Variants in CNBD1 observed in about 807,000 individuals in gnomAD.
CNBD1 encodes the protein cyclic nucleotide-binding domain-containing protein 1.
A neutral mutation model predicts 54.4 loss-of-function variants in CNBD1; 71 were observed. That is an observed-to-expected ratio of 1.30 (90% confidence interval 1.08 to 1.59). CNBD1 has a LOEUF of 1.59. Among genes scored for constraint, CNBD1 ranks in the 40% most tolerant of loss-of-function variants. The pLI, the probability that CNBD1 is intolerant of heterozygous loss-of-function variation, is 0.00. For missense variants in CNBD1, 659 were observed against 518.0 expected (o/e 1.27, Z -2.64); for synonymous variants, 182 against 170.7 (o/e 1.07, Z -0.51).
At chr8:86,909,397 G>C (rs1809066852) in intron 3 of CNBD1, among the ~76,000 whole-genome samples, 1 of 152,026 alleles carries the variant, frequency 6.6e-6, no homozygotes, top group Non-Finnish European at 1.5e-5. Context: ...TGACAGTCTT[G>C]GAAGTATCGT....
At chr8:87,325,895 G>A (rs1475190402) in intron 8 of CNBD1, among the ~76,000 whole-genome samples, 2 of 131,200 alleles carry the variant, frequency 1.5e-5, no homozygotes, top group African/African-American at 5.7e-5. Flanking sequence ...TTTCTTCCTA[G>A]TCTCGATGGT....
At chr8:87,124,583 A>G (rs1481608595) in intron 4 of CNBD1, among the ~76,000 whole-genome samples, 2 of 151,850 alleles carry the variant, frequency 1.3e-5, no homozygotes, top group South Asian at 2.1e-4. Flanking sequence ...TAGAAAAATC[A>G]TTTGACAAAA....
chr8:86,950,583 A>G (rs1196072662), intron 4 of CNBD1, among the ~76,000 whole-genome samples: 2 of 152,134 alleles, frequency 1.3e-5, no homozygotes, highest in African/African-American at 4.8e-5. Context: ...AGTGTTCATC[A>G]GAGATGTTGG....
At chr8:87,301,859 C>A (rs535640623) in intron 8 of CNBD1, among the ~76,000 whole-genome samples, 17 of 152,244 alleles carry the variant, frequency 1.1e-4, no homozygotes, top group African/African-American at 3.9e-4. Flanking sequence ...AATATAAACA[C>A]CTCTATGCAA....
At chr8:87,379,494 C>A (rs1157981321) in intron 10 of CNBD1, among the ~76,000 whole-genome samples, 1 of 151,812 alleles carries the variant, frequency 6.6e-6, no homozygotes, top group Non-Finnish European at 1.5e-5. Flanking sequence ...AAGCTCTCCC[C>A]AGCAAATGTA....
Position 87,381,535 on chromosome 8 carries a change from A to T in CNBD1, c.1304-1085A>T, listed in dbSNP as rs1328251850. ...AGGCCCAGTTCTAGATATTTTCTAAAGGAATTTAAATTGGGATCTCAAAGA... is the reference window on the plus strand; with the variant it reads ...AGGCCCAGTTCTAGATATTTTCTAATGGAATTTAAATTGGGATCTCAAAGA... On this transcript the variant is annotated intron_variant, in intron 10 of 10. Transcript: ENST00000518476. 2.0e-5 allele frequency among the ~76,000 whole-genome samples: 3 copies of T among 152,058 alleles called. No homozygotes were observed. In the East Asian group the frequency reaches 5.8e-4, roughly 29 times the overall value.
intron 4 of CNBD1, among the ~76,000 whole-genome samples, chr8:86,948,472 C>G (rs1445283953): frequency 1.3e-5 from 2 of 152,052 alleles, no homozygotes; most frequent in Non-Finnish European, 2.9e-5. Context: ...GAGATGACAC[C>G]TCATTGTAGT....
chr8:87,402,243 G>A lies in CNBD1; in HGVS notation c.214-26303G>A, dbSNP rs561114375. ...CTCCATGATTCAATTACCTCCCACC[G>A]GGTCCCTCCCAAAACATGTGGAGAT... On this transcript the variant is annotated intron_variant, in intron 2 of 7. Coordinates refer to the CNBD1 transcript ENST00000521593. 2.8e-4 allele frequency among the ~76,000 whole-genome samples: 43 copies of A among 151,932 alleles called. No homozygotes were observed. In the South Asian group the frequency reaches 5.2e-3, roughly 18 times the overall value.
chr8:87,199,650 G>A (rs966450756), intron 4 of CNBD1, among the ~76,000 whole-genome samples: 5 of 152,044 alleles, frequency 3.3e-5, no homozygotes, highest in Admixed American at 6.6e-5. Flanking sequence ...TTCATCTTCC[G>A]TAACTGAAAA....
At chr8:86,995,975 A>G (rs1475223112) in intron 4 of CNBD1, among the ~76,000 whole-genome samples, 1 of 152,078 alleles carries the variant, frequency 6.6e-6, no homozygotes, top group East Asian at 1.9e-4. Flanking sequence ...CTAAATCCCT[A>G]TCGATATTAA....
intron 4 of CNBD1, among the ~76,000 whole-genome samples, chr8:86,971,305 G>T (rs1320610285): frequency 6.6e-6 from 1 of 152,090 alleles, no homozygotes; most frequent in African/African-American, 2.4e-5. Context: ...CAGATCTTGT[G>T]AGAACTCACT....
intron 8 of CNBD1, among the ~76,000 whole-genome samples, chr8:87,317,402 C>G (rs1005685823): frequency 1.3e-5 from 2 of 151,492 alleles, no homozygotes; most frequent in Admixed American, 6.6e-5. Flanking sequence ...ACTCAAAATG[C>G]CTTCCAGTTT....
In CNBD1 at chr8:86,944,561, G is replaced by A. The variant is rs113860846; in HGVS notation, c.431+4807G>A. ...AGGGAAAGAAAACACAAGTGCAAGA[G>A]CCCAGGTATTGCAACATGGTCTGCA... On this transcript the variant is annotated intron_variant, in intron 4 of 10. Coordinates refer to ENST00000518476, the MANE Select transcript of CNBD1 (RefSeq NM_173538.3). Among the ~76,000 whole-genome samples the A allele has an allele frequency of 5.4e-3, 820 of 152,266 alleles. 7 individuals are homozygous for A. Among genetic ancestry groups the A allele is most frequent in the African/African-American group, 0.017 (710 of 41,566 alleles).
intron 4 of CNBD1, among the ~76,000 whole-genome samples, chr8:87,068,870 G>A (rs1286615140): frequency 3.9e-5 from 6 of 152,030 alleles, no homozygotes; most frequent in Admixed American, 2.6e-4. Flanking sequence ...AGGAGGTAAA[G>A]CCTCAGAGCT....
chr8:86,925,317 AC>A (rs1195129778), intron 3 of CNBD1, among the ~76,000 whole-genome samples: 42 of 152,300 alleles, frequency 2.8e-4, no homozygotes, highest in African/African-American at 9.9e-4. Context: ...AACTTAGTGT[AC>A]TTAGTGTGAC....
At chr8:87,250,879 A>G (rs1425378449) in intron 6 of CNBD1, among the ~76,000 whole-genome samples, 2 of 152,192 alleles carry the variant, frequency 1.3e-5, no homozygotes, top group Non-Finnish European at 2.9e-5. Context: ...CAAAACTACA[A>G]TGGGATAGAG....
At chr8:87,341,666 C>G (rs1810066229) in intron 8 of CNBD1, among the ~76,000 whole-genome samples, 1 of 152,208 alleles carries the variant, frequency 6.6e-6, no homozygotes, top group South Asian at 2.1e-4. Context: ...AGCCCAATCC[C>G]TCTTGCTCTC....
intron 7 of CNBD1, among the ~76,000 whole-genome samples, chr8:87,285,592 C>T (rs544936897): frequency 3.9e-5 from 6 of 152,148 alleles, no homozygotes; most frequent in Admixed American, 1.3e-4. Flanking sequence ...CAAAATTAGC[C>T]GGGCTTGGTG....
At chr8:87,033,821 T>G (rs1809847356) in intron 4 of CNBD1, among the ~76,000 whole-genome samples, 1 of 152,194 alleles carries the variant, frequency 6.6e-6, no homozygotes. Context: ...ACTTGACGTT[T>G]TTTAAGCCAA....
Sources: gnomAD v4.1 joint callset for allele counts (sites outside exome capture counted in the v4.1 genomes callset) on GRCh38, gnomAD v4.1.1 for gene constraint, MANE v1.5 for transcripts, NCBI Gene and HGNC (gene_info 2026-07-23, HGNC 2026-07-21) for gene names.